DOCK6: variants seen among roughly 807,000 people sequenced by gnomAD.
DOCK6 encodes dedicator of cytokinesis protein 6.
A neutral mutation model predicts 230.3 loss-of-function variants in DOCK6; 167 were observed. The ratio of observed to expected loss-of-function variants is 0.73; its 90% CI spans 0.64 to 0.82. The LOEUF (loss-of-function observed/expected upper bound fraction) is 0.82. Ranked by LOEUF, DOCK6 falls within the 40% of genes least tolerant of loss-of-function variation. DOCK6 has a pLI of 0.00. For missense variants in DOCK6, 2,598 were observed against 2,825.8 expected (o/e 0.92, Z 1.83); for synonymous variants, 1,148 against 1,185.0 (o/e 0.97, Z 0.64).
At position 11,227,465 on chromosome 19, in the gene DOCK6, C is replaced by G. The variant is rs1322468734; in HGVS notation, c.2827G>C (p.Ala943Pro). The G allele has an allele frequency of 6.3e-7, 1 of 1,583,434 alleles. No individual in the cohort carries two copies. The highest frequency in any genetic ancestry group is 8.6e-7 in the Non-Finnish European group (1 of 1,165,608). ...FFFQLMVKSMALHLLLGQRLD... is the reference protein window; with the variant it reads ...FFFQLMVKSMPLHLLLGQRLD... ...CGCTGGCCAAGCAGCAGGTGCAGCG[C>G]CATACTCTTCACCTGGGGGTGGGGT... is the stretch of plus-strand genomic sequence containing the variant. The change falls in exon 24 of 48, where the codon GCG becomes CCG. Residue 943 changes from alanine to proline, a missense_variant. By Grantham distance (27) the Ala-to-Pro change is conservative. Transcript: ENST00000294618.
intron 14 of DOCK6, chr19:11,241,840 G>A (rs1322865652): frequency 1.5e-6 from 2 of 1,379,220 alleles, no homozygotes; most frequent in East Asian, 2.5e-5. Context: ...GACGCAGGCG[G>A]GGACAAAGGC....
intron 1 of DOCK6, among the ~76,000 whole-genome samples, chr19:11,259,435 G>GGAGAGA (rs61042742): frequency 6.7e-6 from 1 of 148,160 alleles, no homozygotes; most frequent in Non-Finnish European, 1.5e-5. Flanking sequence ...CAAGGATGGG[G>GGAGAGA]GAGAGAGAGA....
At position 11,200,167 on chromosome 19, in the gene DOCK6, A is replaced by C; in HGVS notation, c.6101+141T>G. 3 of 937,520 alleles carry C rather than the reference A, an allele frequency of 3.2e-6. No individual in the cohort carries two copies. Among genetic ancestry groups the C allele is most frequent in the East Asian group, 2.8e-5 (1 of 36,160 alleles). 58.1% of individuals were successfully genotyped at this position (937,520 alleles called of 1,614,324 possible). A position where few individuals can be genotyped will look rare whatever the true frequency, so the allele number is the denominator to read the frequency against. On this transcript the variant is annotated intron_variant, in intron 47 of 47. Transcript: ENST00000294618. The surrounding 1 kb of genome is among the most constrained non-coding windows in gnomAD (Gnocchi z 4.3). ...GTCTCTCAAAAAAAAAAACAAAAAA[A>C]AAACCGGAAACAAAACAAAGTCCAA...
chr19:11,243,913 C>T lies in DOCK6; in HGVS notation c.1024-31G>A, dbSNP rs755758123. The T allele has an allele frequency of 5.7e-6, 9 of 1,582,642 alleles. No individual in the cohort carries two copies. The highest frequency in any genetic ancestry group is 2.7e-5 in the African/African-American group (2 of 74,226). On this transcript the variant is annotated intron_variant, in intron 9 of 47. Coordinates refer to ENST00000294618, the MANE Select transcript of DOCK6 (RefSeq NM_020812.4). This position sits in a 1 kb window ranked among gnomAD's most constrained non-coding sequence, Gnocchi z 6.3. ...GGGCAGATGAATGAATCCAGTGAGG[C>T]GCTGCCCGAACGCTCTGTTCCCCCG... is the stretch of plus-strand genomic sequence containing the variant.
rs779695486 is a variant in DOCK6, at chr19:11,221,914, C to T, written c.3487G>A (p.Glu1163Lys). The T allele has an allele frequency of 1.8e-5, 29 of 1,613,262 alleles. No homozygotes were observed. The highest frequency in any genetic ancestry group is 1.1e-4 in the East Asian group (5 of 44,906). The stretch of plus-strand genomic sequence containing the variant: ...ATCGATAGCAGTGGCAGGTACAGCT[C>T]GGCCACACGAGCCTTCACAGTGGCC... ...AEATVKARVA[E>K]LYLPLLSIAR... is the part of the protein sequence containing the mutation. The change falls in exon 28 of 48, where the codon GAG (glutamate) becomes AAG (lysine). Residue 1163 changes from glutamate to lysine, a missense_variant. Coordinates refer to ENST00000294618, the MANE Select transcript of DOCK6 (RefSeq NM_020812.4).
At chr19:11,252,374 C>T (rs530980640) in intron 4 of DOCK6, 108 bp downstream of exon 4, 15 of 1,581,080 alleles carry the variant, frequency 9.5e-6, no homozygotes, top group Non-Finnish European at 1.3e-5. Context: ...GACAAGTTTG[C>T]CTGCTCTTGC....
At chr19:11,205,501 C>T (rs2079243285) in intron 39 of DOCK6, among the ~76,000 whole-genome samples, 1 of 152,164 alleles carries the variant, frequency 6.6e-6, no homozygotes, top group South Asian at 2.1e-4. Context: ...TGCCACCACG[C>T]CCAGCTACTT....
In DOCK6 at chr19:11,236,850, G is replaced by A. The variant is rs372208548; in HGVS notation, c.2103C>T (p.Asp701=). ...CCACACTGAACACGCCCTTGTGACC[G>A]TCCACCCAGCGCATGCCCGGAAGCG... is the stretch of plus-strand genomic sequence containing the variant. ...DVALPGMRWV[D]GHKGVFSVEL... is the part of the protein sequence containing the mutation. Residue 701 remains aspartate (D), a synonymous_variant, in exon 19 of 48, where the codon GAC becomes GAT. Coordinates refer to ENST00000294618, the MANE Select transcript of DOCK6 (RefSeq NM_020812.4). This position sits in a 1 kb window ranked among gnomAD's most constrained non-coding sequence, Gnocchi z 5.2. 2.0e-4 allele frequency: 315 copies of A among 1,555,368 alleles called. 3 individuals carry two copies. The South Asian group carries it at 2.7e-3, about 13-fold the overall frequency.
At chr19:11,207,675 C>G (rs2079284353) in intron 39 of DOCK6, among the ~76,000 whole-genome samples, 1 of 151,880 alleles carries the variant, frequency 6.6e-6, no homozygotes, top group Non-Finnish European at 1.5e-5. Context: ...CACCTGTAAT[C>G]CCATGACTTT....
At chr19:11,228,906 C>G in intron 23 of DOCK6, 34 bp downstream of exon 23, 2 of 1,608,012 alleles carry the variant, frequency 1.2e-6, no homozygotes, top group Non-Finnish European at 8.5e-7. Context: ...CACTGGGGGT[C>G]TCTTGCCACC....
At position 11,228,950 on chromosome 19, in the gene DOCK6, A is replaced by C. The variant is rs1443478695; in HGVS notation, c.2804T>G (p.Phe935Cys). The C allele has an allele frequency of 6.2e-7, 1 of 1,613,196 alleles. No individual in the cohort carries two copies. Among genetic ancestry groups the C allele is most frequent in the Admixed American group, 1.7e-5 (1 of 59,966 alleles). ...AGGAGGGGGTCTCACCATGAGCTGGAAGAAGAACCAGGCGTGCTGGAGGAT... is the reference window on the plus strand; with the variant it reads ...AGGAGGGGGTCTCACCATGAGCTGGCAGAAGAACCAGGCGTGCTGGAGGAT... ...EAILQHAWFF[F>C]QLMVKSMALH... The change falls in exon 23 of 48, where the codon TTC (phenylalanine) becomes TGC (cysteine). Residue 935 changes from phenylalanine to cysteine, a missense_variant. Phe to Cys is a radical substitution (Grantham distance 205). Transcript: ENST00000294618.
intron 1 of DOCK6, among the ~76,000 whole-genome samples, chr19:11,261,777 G>C (rs1467806505): frequency 2.6e-5 from 4 of 151,712 alleles, no homozygotes; most frequent in Non-Finnish European, 5.9e-5. Context: ...CATCCCCAGC[G>C]CGGTCCAGCC....
intron 7 of DOCK6, chr19:11,247,270 T>TTTC (rs888048357): frequency 6.6e-6 from 1 of 152,326 alleles, no homozygotes; most frequent in Non-Finnish European, 1.5e-5. Flanking sequence ...TTTTTTTTTT[T>TTTC]TTCAGTAGAG....
Position 11,236,698 on chromosome 19 carries a change from G to A in DOCK6, c.2160+95C>T. ...ACCAAAGTCACGTCCAAGGCCTGAG[G>A]CCAGACCTCCCCGGCCATCGGCAAC... On this transcript the variant is annotated intron_variant, in intron 19 of 47. Coordinates refer to ENST00000294618, the MANE Select transcript of DOCK6 (RefSeq NM_020812.4). The surrounding 1 kb of genome is among the most constrained non-coding windows in gnomAD (Gnocchi z 5.2). The A allele has an allele frequency of 1.3e-6, 2 of 1,517,676 alleles. No homozygotes were observed. The highest frequency in any genetic ancestry group is 8.9e-7 in the Non-Finnish European group (1 of 1,118,002). 94.0% of individuals were successfully genotyped at this position (1,517,676 alleles called of 1,614,324 possible).
chr19:11,237,538 T>G lies in DOCK6; in HGVS notation c.1991A>C (p.His664Pro). ...VGFTWIPLLQ[H>P]GRLRTGPFCL... ...GAAGGGGCCGGTCCTCAGGCGCCCG[T>G]GCTGCAGCAGTGGGATCCACTGGGG... is the stretch of plus-strand genomic sequence containing the variant. Residue 664 changes from histidine to proline, a missense_variant, in exon 18 of 48, where the codon CAC becomes CCC. Coordinates refer to ENST00000294618, the MANE Select transcript of DOCK6 (RefSeq NM_020812.4). 6.3e-7 allele frequency: 1 copy of G among 1,596,014 alleles called. No homozygotes were observed. Among genetic ancestry groups the G allele is most frequent in the Non-Finnish European group, 8.5e-7 (1 of 1,172,454 alleles).
chr19:11,220,570 A>G (rs1403443002), intron 28 of DOCK6, among the ~76,000 whole-genome samples: 2 of 152,166 alleles, frequency 1.3e-5, no homozygotes, highest in African/African-American at 2.4e-5. Context: ...TTTTTATACA[A>G]TGTCCAGAAT....
chr19:11,217,705 C>T (rs968059308), intron 28 of DOCK6, among the ~76,000 whole-genome samples: 1 of 149,172 alleles, frequency 6.7e-6, no homozygotes, highest in African/African-American at 2.5e-5. Flanking sequence ...TTACAGTGAG[C>T]CGAGATCGCG....
Position 11,262,383 on chromosome 19 carries a change from C to G in DOCK6, c.44+14G>C. On this transcript the variant is annotated intron_variant, in intron 1 of 47. Transcript: ENST00000294618. ...ACGTGGGGGAGGTGGGAGGGGGCCC[C>G]GCGGCCACACTACCTGTTGATCTTG... The G allele has an allele frequency of 7.8e-7, 1 of 1,278,064 alleles. No homozygotes were observed. Among genetic ancestry groups the G allele is most frequent in the East Asian group, 3.1e-5 (1 of 31,974 alleles). 79.2% of individuals were successfully genotyped at this position (1,278,064 alleles called of 1,614,324 possible). A position where few individuals can be genotyped will look rare whatever the true frequency, so the allele number is the denominator to read the frequency against.
rs772731799 is a variant in DOCK6, at chr19:11,227,425, C to G, written c.2867G>C (p.Arg956Pro). 3 of 1,611,966 alleles carry G rather than the reference C, an allele frequency of 1.9e-6. No individual in the cohort carries two copies. The highest frequency in any genetic ancestry group is 1.1e-5 in the South Asian group (1 of 90,820). ...LLLGQRLDTP[R>P]KLRFPGRFLD... Reference sequence around the variant, plus strand: ...GAAGCGTCCGGGGAAGCGCAGCTTGCGGGGTGTGTCTAGTCGCTGGCCAAG... The same window carrying G: ...GAAGCGTCCGGGGAAGCGCAGCTTGGGGGGTGTGTCTAGTCGCTGGCCAAG... Residue 956 changes from arginine to proline, a missense_variant, in exon 24 of 48, where the codon CGC becomes CCC. Arg to Pro is a moderately radical substitution (Grantham distance 103). Transcript: ENST00000294618.
Sources: gnomAD v4.1 joint callset for allele counts (sites outside exome capture counted in the v4.1 genomes callset) on GRCh38, gnomAD v4.1.1 for gene constraint, Gnocchi (gnomAD v3.1) non-coding constraint, MANE v1.5 for transcripts, NCBI Gene and HGNC (gene_info 2026-07-23, HGNC 2026-07-21) for gene names.